Variants in L3MBTL4 observed in about 807,000 individuals in gnomAD.
The protein encoded by L3MBTL4 is L3MBTL histone methyl-lysine binding protein 4, also known as lethal(3)malignant brain tumor-like protein 4.
A neutral mutation model predicts 84.5 loss-of-function variants in L3MBTL4; 70 were observed. The ratio of observed to expected loss-of-function variants is 0.83; its 90% CI spans 0.68 to 1.01. The LOEUF is 1.01. Ranked by LOEUF, L3MBTL4 falls within the 50% of genes least tolerant of loss-of-function variation. The probability of loss-of-function intolerance (pLI) is 0.00; values close to 1 mark genes in which losing one functional copy is unlikely to be tolerated. For synonymous variants in L3MBTL4, 274 were observed against 259.8 expected (o/e 1.05, Z -0.52); for missense variants, 715 against 754.8 (o/e 0.95, Z 0.62).
At chr18:6,362,531 G>A (rs991012211) in intron 1 of L3MBTL4, among the ~76,000 whole-genome samples, 3 of 152,174 alleles carry the variant, frequency 2.0e-5, no homozygotes, top group South Asian at 4.1e-4. Context: ...ATGTAATCTG[G>A]TATTCTACCA....
chr18:6,098,035 G>C (rs1328578462), intron 14 of L3MBTL4, among the ~76,000 whole-genome samples: 1 of 152,158 alleles, frequency 6.6e-6, no homozygotes, highest in East Asian at 1.9e-4. Context: ...GATTCCAAGA[G>C]TCTAGATGGT....
At chr18:6,211,730 C>T (rs1427605899) in intron 12 of L3MBTL4, among the ~76,000 whole-genome samples, 3 of 151,540 alleles carry the variant, frequency 2.0e-5, no homozygotes, top group Non-Finnish European at 4.4e-5. Flanking sequence ...CTCACTGCAA[C>T]CTCTGCCTCC....
At chr18:6,222,864 C>G (rs898142899) in intron 10 of L3MBTL4, among the ~76,000 whole-genome samples, 2 of 151,212 alleles carry the variant, frequency 1.3e-5, no homozygotes, top group African/African-American at 2.4e-5. Context: ...ATTTAAAATA[C>G]AGTAATCTTT....
intron 1 of L3MBTL4, among the ~76,000 whole-genome samples, chr18:6,333,825 G>A (rs184131483): frequency 3.5e-4 from 53 of 152,160 alleles, no homozygotes; most frequent in Admixed American, 1.1e-3. Context: ...GATCTTCCCC[G>A]TAACCCTCAA....
chr18:6,263,065 G>A (rs2048475699), intron 5 of L3MBTL4, among the ~76,000 whole-genome samples: 1 of 152,130 alleles, frequency 6.6e-6, no homozygotes. Context: ...ATGAGGTCAG[G>A]AGATGGAGAC....
At chr18:6,242,172 G>T (rs1321888245) in intron 7 of L3MBTL4, among the ~76,000 whole-genome samples, 1 of 151,990 alleles carries the variant, frequency 6.6e-6, no homozygotes, top group Non-Finnish European at 1.5e-5. Context: ...CTTCGTCCCC[G>T]ACCTTCCCAC....
At chr18:6,196,309 C>T (rs1008504610) in intron 12 of L3MBTL4, among the ~76,000 whole-genome samples, 4 of 152,062 alleles carry the variant, frequency 2.6e-5, no homozygotes, top group Admixed American at 1.3e-4. Flanking sequence ...AGGCGCCCGC[C>T]ACCACGCCCG....
At chr18:6,387,978 G>A (rs190946274) in intron 1 of L3MBTL4, among the ~76,000 whole-genome samples, 278 of 152,240 alleles carry the variant, frequency 1.8e-3, no homozygotes, top group South Asian at 0.017. Context: ...AGAGTGTGGA[G>A]GAGTAAATGA....
chr18:6,334,098 T>G (rs532355048), intron 1 of L3MBTL4, among the ~76,000 whole-genome samples: 9 of 152,346 alleles, frequency 5.9e-5, no homozygotes, highest in Admixed American at 5.9e-4. Context: ...GGTTCTTATG[T>G]AGTCATCACT....
rs145738217 is a variant in L3MBTL4 at position 6,095,168 on chromosome 18, T to C, written c.1200-1640A>G. Among the ~76,000 whole-genome samples the C allele has an allele frequency of 2.5e-3, 381 of 152,348 alleles. 2 individuals carry two copies. The highest frequency in any genetic ancestry group is 2.8e-3 in the Non-Finnish European group (189 of 68,030). ...CAGGGTGTTTTACATGTATTATTTC[T>C]AATGAATATATATTTTTGACTGAAT... On this transcript the variant is annotated intron_variant, in intron 14 of 18. Coordinates refer to ENST00000317931, the MANE Select transcript of L3MBTL4 (RefSeq NM_001330559.2).
At chr18:6,408,157 T>C (rs1442854192) in intron 1 of L3MBTL4, among the ~76,000 whole-genome samples, 1 of 152,214 alleles carries the variant, frequency 6.6e-6, no homozygotes, top group East Asian at 1.9e-4. Flanking sequence ...AAAGTTTACA[T>C]TGTTCTCAAC....
In L3MBTL4 at chr18:6,295,895, G is replaced by T. The variant is rs79337307; in HGVS notation, c.127+6008C>A. Among the ~76,000 whole-genome samples, 411 of 152,308 alleles carry T rather than the reference G, an allele frequency of 2.7e-3. 3 individuals are homozygous for T. The highest frequency in any genetic ancestry group is 9.4e-3 in the African/African-American group (389 of 41,566). On this transcript the variant is annotated intron_variant, in intron 4 of 18. Transcript: ENST00000317931. ...TAGATCATGGGGGCAGAGTTCTCAT[G>T]AACGGTTCAGCCTAAATATTTAACT... is the stretch of plus-strand genomic sequence containing the variant.
Position 6,021,248 on chromosome 18 carries a change from C to T in L3MBTL4, c.1445-51686G>A, listed in dbSNP as rs578061704. On this transcript the variant is annotated intron_variant, in intron 16 of 18. Transcript: ENST00000317931. ...GAGCTAGCCTGCTGTAGGCTGAGGG[C>T]GGGGAGGAGCTCTGCAGAGGCAAAG... Among the ~76,000 whole-genome samples the T allele has an allele frequency of 3.9e-5, 6 of 152,244 alleles. No homozygotes were observed. In the South Asian group the frequency reaches 6.2e-4, roughly 16 times the overall value.
chr18:6,183,791 A>G (rs1296219513), intron 12 of L3MBTL4, among the ~76,000 whole-genome samples: 2 of 152,228 alleles, frequency 1.3e-5, no homozygotes, highest in Non-Finnish European at 2.9e-5. Flanking sequence ...AGGACTAACC[A>G]TGTAATCCAG....
chr18:5,989,584 AC>A (rs2053600240), intron 16 of L3MBTL4, among the ~76,000 whole-genome samples: 1 of 152,100 alleles, frequency 6.6e-6, no homozygotes, highest in African/African-American at 2.4e-5. Context: ...CAATCAACCA[AC>A]CCACCCACCC....
intron 15 of L3MBTL4, chr18:6,082,500 G>C (rs777755024): frequency 2.0e-5 from 3 of 152,046 alleles, no homozygotes; most frequent in Admixed American, 6.6e-5. Context: ...ATTTGGGGCG[G>C]GGGAAAGAAC....
chr18:6,100,947 C>A (rs12964424), intron 14 of L3MBTL4, among the ~76,000 whole-genome samples: 35,482 of 152,170 alleles, frequency 0.23, 6,349 homozygotes, highest in African/African-American at 0.51. Context: ...TGTAACCACC[C>A]AGCATGGATG....
intron 4 of L3MBTL4, among the ~76,000 whole-genome samples, chr18:6,285,809 A>ATATTATTATTATTATTAT (rs139613072): frequency 3.7e-4 from 53 of 143,232 alleles, no homozygotes; most frequent in African/African-American, 1.2e-3. Flanking sequence ...TTTAAAAGAT[A>ATATTATTATTATTATTAT]TATTATTATT....
intron 17 of L3MBTL4, among the ~76,000 whole-genome samples, chr18:5,963,901 G>A (rs542676482): frequency 3.0e-4 from 45 of 152,338 alleles, no homozygotes; most frequent in African/African-American, 8.9e-4. Flanking sequence ...GACCTCTGCA[G>A]AAGAGGAAAC....
Sources: gnomAD v4.1 joint callset for allele counts (sites outside exome capture counted in the v4.1 genomes callset) on GRCh38, gnomAD v4.1.1 for gene constraint, MANE v1.5 for transcripts, NCBI Gene and HGNC (gene_info 2026-07-23, HGNC 2026-07-21) for gene names.